The following ERC2 variants were observed in gnomAD, a reference collection of about 807,000 sequenced individuals.
ERC2 encodes the protein ELKS/RAB6-interacting/CAST family member 2.
In ERC2, 42 loss-of-function variants were observed where a neutral mutation model predicts 114.8. The observed-to-expected ratio is 0.37, with a 90% CI of 0.29 to 0.47. The LOEUF is 0.47. Ranked by LOEUF, ERC2 falls within the 20% of genes least tolerant of loss-of-function variation. The pLI, the probability that ERC2 is intolerant of heterozygous loss-of-function variation, is 0.99. For synonymous variants in ERC2, 454 were observed against 425.5 expected, an observed-to-expected ratio of 1.07 and a Z score of -0.82; for missense variants, 939 against 1,150.7, an observed-to-expected ratio of 0.82 and a Z score of 2.66.
At chr3:55,907,237 T>C (rs1338431737) in intron 13 of ERC2, among the ~76,000 whole-genome samples, 1 of 152,178 alleles carries the variant, frequency 6.6e-6, no homozygotes, top group Non-Finnish European at 1.5e-5. Context: ...AAAAACATGC[T>C]GGGTAGAGAA....
intron 8 of ERC2, among the ~76,000 whole-genome samples, chr3:56,017,002 A>G (rs1418185130): frequency 6.6e-6 from 1 of 152,168 alleles, no homozygotes; most frequent in Non-Finnish European, 1.5e-5. Context: ...GCAGGATCAA[A>G]AATGATGGGA....
At chr3:55,567,823 G>A (rs965741326) in intron 17 of ERC2, among the ~76,000 whole-genome samples, 1 of 152,150 alleles carries the variant, frequency 6.6e-6, no homozygotes, top group Non-Finnish European at 1.5e-5. Context: ...AGGTCACCAC[G>A]GTGATTAGTG....
intron 14 of ERC2, among the ~76,000 whole-genome samples, chr3:55,833,033 T>C (rs1209804875): frequency 6.7e-6 from 1 of 148,592 alleles, no homozygotes; most frequent in Admixed American, 6.6e-5. Context: ...ATGAATGAAA[T>C]GAAGCAAGAA....
chr3:56,012,041 T>C lies in ERC2; in HGVS notation c.1780-1452A>G, dbSNP rs141731260. Among the ~76,000 whole-genome samples the C allele has an allele frequency of 4.9e-3, 753 of 152,278 alleles. 7 individuals are homozygous for C. The highest frequency in any genetic ancestry group is 0.017 in the African/African-American group (717 of 41,554). ...ATTATTATAAGAGAGGAGGCAGAAA[T>C]ATAACAAATGAAACTATTAATTGCC... On this transcript the variant is annotated intron_variant, in intron 8 of 17. Transcript: ENST00000288221.
chr3:55,632,118 C>T (rs2059779715), intron 17 of ERC2, among the ~76,000 whole-genome samples: 1 of 152,228 alleles, frequency 6.6e-6, no homozygotes, highest in African/African-American at 2.4e-5. Flanking sequence ...AATGAACTCC[C>T]ACTGGGCAGA....
At chr3:56,040,486 C>T (rs773287010) in intron 7 of ERC2, among the ~76,000 whole-genome samples, 1 of 147,950 alleles carries the variant, frequency 6.8e-6, no homozygotes, top group African/African-American at 2.5e-5. Context: ...CAAGCATAAG[C>T]TACAGCACTC....
At chr3:55,642,300 G>C (rs1011127305) in intron 17 of ERC2, among the ~76,000 whole-genome samples, 6 of 150,710 alleles carry the variant, frequency 4.0e-5, no homozygotes, top group African/African-American at 1.5e-4. Context: ...TGGCTCCTAC[G>C]CTTTCCACAG....
chr3:55,913,885 C>A (rs931234462), intron 13 of ERC2, among the ~76,000 whole-genome samples: 1 of 152,242 alleles, frequency 6.6e-6, no homozygotes, highest in African/African-American at 2.4e-5. Context: ...TAAAAGACCA[C>A]TCTGTACCCT....
At chr3:55,959,348 A>C (rs1003240444) in intron 12 of ERC2, among the ~76,000 whole-genome samples, 1 of 152,344 alleles carries the variant, frequency 6.6e-6, no homozygotes, top group East Asian at 1.9e-4. Flanking sequence ...ACCACCTTAA[A>C]TGTAAACAGA....
rs536247711 is a variant in ERC2 at position 55,906,172 on chromosome 3, G to A, written c.2404-17623C>T. Among the ~76,000 whole-genome samples, 560 of 126,180 alleles carry A rather than the reference G, an allele frequency of 4.4e-3. 2 individuals carry two copies. The highest frequency in any genetic ancestry group is 8.2e-3 in the Admixed American group (89 of 10,828). The allele number at this position is 126,180 out of a possible 152,430, so 82.8% of individuals were successfully genotyped here. A position where few individuals can be genotyped will look rare whatever the true frequency, so the allele number is the denominator to read the frequency against. ...ACAATACCTGATGTTTATGCCAGTG[G>A]TTGTCAAAGTAGTGGCAGGGGGGGC... On this transcript the variant is annotated intron_variant, in intron 13 of 17. Transcript: ENST00000288221.
chr3:56,140,052 C>G lies in ERC2; in HGVS notation c.1306-376G>C, dbSNP rs75304183. Among the ~76,000 whole-genome samples the G allele has an allele frequency of 5.1e-3, 781 of 152,210 alleles. 24 individuals are homozygous for G. The East Asian group carries it at 0.084, about 16-fold the overall frequency. ...AGGGATCTAACATGGGTAATTAAAC[C>G]AAGGCATAACTCCACAGTGCAAATA... On this transcript the variant is annotated intron_variant, in intron 5 of 17. Transcript: ENST00000288221.
intron 13 of ERC2, among the ~76,000 whole-genome samples, chr3:55,917,375 A>C (rs2065159176): frequency 6.6e-6 from 1 of 152,194 alleles, no homozygotes; most frequent in South Asian, 2.1e-4. Flanking sequence ...AAAATATGAT[A>C]TATCCATATA....
intron 4 of ERC2, among the ~76,000 whole-genome samples, chr3:56,165,336 ATACTT>A (rs2082266481): frequency 6.6e-6 from 1 of 151,692 alleles, no homozygotes; most frequent in Non-Finnish European, 1.5e-5. Context: ...TTTTATTATT[ATACTT>A]TAAGTTTTAG....
intron 1 of ERC2, among the ~76,000 whole-genome samples, chr3:56,455,267 G>GA (rs200035276): frequency 1.8e-3 from 275 of 149,708 alleles, no homozygotes; most frequent in Non-Finnish European, 2.9e-3. Flanking sequence ...AAAAAGAAAA[G>GA]AAAAAAAAAC....
intron 12 of ERC2, among the ~76,000 whole-genome samples, chr3:55,970,531 T>C (rs1215618214): frequency 5.9e-5 from 9 of 152,070 alleles, no homozygotes; most frequent in African/African-American, 2.4e-5. Context: ...GGGCACAGAA[T>C]TTGAATAGAC....
In ERC2 at chr3:56,183,127, A is replaced by G. The variant is rs538425191; in HGVS notation, c.1075-9607T>C. On this transcript the variant is annotated intron_variant, in intron 3 of 17. Coordinates refer to ENST00000288221, the MANE Select transcript of ERC2 (RefSeq NM_015576.3). Reference sequence around the variant, plus strand: ...CCAATAACCTCCATTTGAAGACTCAATGGAATATTTAAAGATTGACCCCAT... The same window carrying G: ...CCAATAACCTCCATTTGAAGACTCAGTGGAATATTTAAAGATTGACCCCAT... 9.8e-5 allele frequency among the ~76,000 whole-genome samples: 15 copies of G among 152,352 alleles called. No homozygotes were observed. The East Asian group carries it at 2.5e-3, about 25-fold the overall frequency.
chr3:55,802,808 T>C lies in ERC2; in HGVS notation c.2565-67890A>G, dbSNP rs758043092. ...TAACAGAAAGTTAGATATCCTTCTA[T>C]GAAGATGACACTACCCCACTGTCAC... On this transcript the variant is annotated intron_variant, in intron 14 of 17. Transcript: ENST00000288221. Among the ~76,000 whole-genome samples, 4 of 152,318 alleles carry C rather than the reference T, an allele frequency of 2.6e-5. No individual in the cohort carries two copies. In the East Asian group the frequency reaches 7.7e-4, roughly 29 times the overall value.
intron 17 of ERC2, among the ~76,000 whole-genome samples, chr3:55,651,666 T>C (rs1055932760): frequency 1.4e-4 from 22 of 152,194 alleles, no homozygotes; most frequent in Non-Finnish European, 2.8e-4. Context: ...ATTCTCCCTC[T>C]AGCAGTCCAT....
chr3:56,091,595 C>T (rs1015086714), intron 6 of ERC2, among the ~76,000 whole-genome samples: 4 of 152,132 alleles, frequency 2.6e-5, no homozygotes, highest in Non-Finnish European at 4.4e-5. Context: ...GGTAGGACAC[C>T]TTCTGCACAT....
Sources: allele counts gnomAD v4.1 joint callset (sites outside exome capture counted in the v4.1 genomes callset), GRCh38; gene constraint gnomAD v4.1.1; transcripts MANE v1.5; gene names NCBI Gene and HGNC (gene_info 2026-07-23, HGNC 2026-07-21).